NCKAP1: variants seen among roughly 807,000 people sequenced by gnomAD.
NCKAP1 encodes NCK associated protein 1, also known as nck-associated protein 1.
Under a neutral mutation model 151.2 loss-of-function variants are expected in NCKAP1, and 21 were observed. The observed-to-expected ratio is 0.14, with a 90% CI of 0.10 to 0.20. The LOEUF (loss-of-function observed/expected upper bound fraction) is 0.20. Among genes scored for constraint, NCKAP1 ranks in the 10% least tolerant of loss-of-function variants. The pLI is 1.00. For synonymous variants in NCKAP1, 484 were observed against 451.8 expected, an observed-to-expected ratio of 1.07 and a Z score of -0.90; for missense variants, 933 against 1,352.1, an observed-to-expected ratio of 0.69 and a Z score of 4.86.
At chr2:182,986,788 A>C (rs1698065960) in intron 9 of NCKAP1, among the ~76,000 whole-genome samples, 1 of 152,202 alleles carries the variant, frequency 6.6e-6, no homozygotes, top group Non-Finnish European at 1.5e-5. Flanking sequence ...TTTTTAAAAA[A>C]ACTTATTTTT....
intron 1 of NCKAP1, among the ~76,000 whole-genome samples, chr2:183,032,573 A>G (rs1699024527): frequency 6.6e-6 from 1 of 152,210 alleles, no homozygotes; most frequent in Non-Finnish European, 1.5e-5. Flanking sequence ...GTATCTAAAC[A>G]TAAAAAAAAA....
chr2:183,016,339 A>G (rs1575066758), intron 2 of NCKAP1, among the ~76,000 whole-genome samples: 1 of 152,234 alleles, frequency 6.6e-6, no homozygotes, highest in Non-Finnish European at 1.5e-5. Flanking sequence ...TATCAAAGCA[A>G]GGCTTACTTG....
intron 1 of NCKAP1, among the ~76,000 whole-genome samples, chr2:183,024,176 TA>T (rs747622643): frequency 1.3e-5 from 2 of 151,064 alleles, no homozygotes; most frequent in East Asian, 1.9e-4. Context: ...AGCTCAAACC[TA>T]AAAAAAAGAA....
chr2:182,943,043 T>G (rs1455669357), intron 23 of NCKAP1, among the ~76,000 whole-genome samples: 1 of 152,216 alleles, frequency 6.6e-6, no homozygotes, highest in Non-Finnish European at 1.5e-5. Flanking sequence ...AAGTTTATAA[T>G]TTAATTTCTG....
intron 16 of NCKAP1, among the ~76,000 whole-genome samples, chr2:182,965,353 G>T (rs868211666): frequency 6.6e-6 from 1 of 150,888 alleles, no homozygotes. Flanking sequence ...TTAGACGGGG[G>T]ACACTTTGTT....
Position 183,035,107 on chromosome 2 carries a change from CA to C in NCKAP1, c.108+2884del, listed in dbSNP as rs796520051. On this transcript the variant is annotated intron_variant, in intron 1 of 30. Coordinates refer to ENST00000361354, the MANE Select transcript of NCKAP1 (RefSeq NM_013436.5). ...AAAAGGGAAACCATATATTTAAAAA[CA>C]AAAAAAAAGGAATTAAGCAACAAAT... Among the ~76,000 whole-genome samples the C allele has an allele frequency of 5.1e-3, 765 of 149,546 alleles. 11 individuals carry two copies. Among genetic ancestry groups the C allele is most frequent in the African/African-American group, 0.018 (723 of 40,876 alleles).
intron 8 of NCKAP1, among the ~76,000 whole-genome samples, chr2:182,991,418 G>A (rs970858757): frequency 6.6e-6 from 1 of 152,074 alleles, no homozygotes; most frequent in Non-Finnish European, 1.5e-5. Flanking sequence ...AATTAGCCAA[G>A]CATGGTGGTG....
intron 7 of NCKAP1, 82 bp downstream of exon 7, chr2:182,995,619 A>G (rs1698253226): frequency 7.6e-7 from 1 of 1,318,658 alleles, no homozygotes; most frequent in Non-Finnish European, 1.1e-6. Context: ...CTAATTAGAA[A>G]CAAACAGCAA....
At chr2:182,979,916 C>T (rs570582130) in intron 13 of NCKAP1, among the ~76,000 whole-genome samples, 3 of 152,182 alleles carry the variant, frequency 2.0e-5, no homozygotes, top group African/African-American at 7.2e-5. Context: ...GATACACTAT[C>T]AATAAATCTG....
intron 12 of NCKAP1, among the ~76,000 whole-genome samples, chr2:182,981,946 T>C: frequency 7.1e-6 from 1 of 139,902 alleles, no homozygotes; most frequent in African/African-American, 2.6e-5. Flanking sequence ...ATTAAAAAAA[T>C]AAACAGGACA....
chr2:182,919,215 C>G lies in NCKAP1; in HGVS notation c.*6487G>C, dbSNP rs1357009972. The G allele has an allele frequency of 6.6e-6, 1 of 152,198 alleles. No individual in the cohort carries two copies. Among genetic ancestry groups the G allele is most frequent in the Admixed American group, 6.5e-5 (1 of 15,280 alleles). The allele number at this position is 152,198 out of a possible 1,614,324, so 9.4% of individuals were successfully genotyped here. ...ACTACCAGTTAAGGTCAAATTTTCC[C>G]CTCCTAGCCATCACAAGTTCTGCCA... On this transcript the variant is annotated 3_prime_UTR_variant, in exon 31 of 31. Transcript: ENST00000361354.
intron 8 of NCKAP1, among the ~76,000 whole-genome samples, chr2:182,993,528 C>T (rs1698208940): frequency 6.6e-6 from 1 of 152,094 alleles, no homozygotes; most frequent in Admixed American, 6.5e-5. Context: ...TGTGTGTCTC[C>T]ATGGAATAGT....
intron 2 of NCKAP1, among the ~76,000 whole-genome samples, chr2:183,020,102 C>G (rs934264537): frequency 1.3e-5 from 2 of 151,678 alleles, no homozygotes; most frequent in African/African-American, 4.8e-5. Context: ...AATAAAAAAT[C>G]AACAATTTTT....
rs116181839 is a variant in NCKAP1 at position 182,939,741 on chromosome 2, A to G, written c.2695+2329T>C. Among the ~76,000 whole-genome samples, 1,304 of 152,260 alleles carry G rather than the reference A, an allele frequency of 8.6e-3. 12 individuals carry two copies. The highest frequency in any genetic ancestry group is 0.026 in the African/African-American group (1,075 of 41,558). ...AGCACAAAAGAATTAAAAAAAAGAGAAAGTTTTGGAAAACAGTTCAATTGC... is the reference window on the plus strand; with the variant it reads ...AGCACAAAAGAATTAAAAAAAAGAGGAAGTTTTGGAAAACAGTTCAATTGC... On this transcript the variant is annotated intron_variant, in intron 24 of 30. Transcript: ENST00000361354.
chr2:182,994,343 A>G (rs1463508734), intron 8 of NCKAP1, among the ~76,000 whole-genome samples: 1 of 152,088 alleles, frequency 6.6e-6, no homozygotes, highest in East Asian at 1.9e-4. Context: ...CCCAGCTTTA[A>G]AATAGACTAC....
In NCKAP1 at chr2:182,922,281, A is replaced by ATTTTCAAAAAAAAAAG. The variant is rs1696562255; in HGVS notation, c.*3420_*3421insCTTTTTTTTTTGAAAA. 1.3e-5 allele frequency: 2 copies of ATTTTCAAAAAAAAAAG among 152,236 alleles called. No homozygotes were observed. Among genetic ancestry groups the ATTTTCAAAAAAAAAAG allele is most frequent in the Non-Finnish European group, 2.9e-5 (2 of 68,038 alleles). 9.4% of individuals were successfully genotyped at this position (152,236 alleles called of 1,614,324 possible). A position where few individuals can be genotyped will look rare whatever the true frequency, so the allele number is the denominator to read the frequency against. ...TCATTTAGAAGGCCTGATGGTGTAC[A>ATTTTCAAAAAAAAAAG]ACAGACTTTACATTTTCACATTAAT... On this transcript the variant is annotated 3_prime_UTR_variant, in exon 31 of 31. Coordinates refer to ENST00000361354, the MANE Select transcript of NCKAP1 (RefSeq NM_013436.5).
chr2:182,957,970 G>A (rs1697359629), intron 18 of NCKAP1, among the ~76,000 whole-genome samples: 1 of 152,188 alleles, frequency 6.6e-6, no homozygotes, highest in African/African-American at 2.4e-5. Context: ...AAGATATGAT[G>A]GTTCAGAGCT....
intron 17 of NCKAP1, among the ~76,000 whole-genome samples, chr2:182,962,995 A>C (rs1454683393): frequency 1.3e-5 from 2 of 152,044 alleles, no homozygotes; most frequent in Non-Finnish European, 1.5e-5. Flanking sequence ...AAAGAAATAA[A>C]ATTTTTAACA....
intron 20 of NCKAP1, among the ~76,000 whole-genome samples, chr2:182,954,802 T>TA (rs753366651): frequency 6.6e-6 from 1 of 151,334 alleles, no homozygotes; most frequent in Non-Finnish European, 1.5e-5. Flanking sequence ...AATAAATAAA[T>TA]AAATTAAATA....
Sources: allele counts gnomAD v4.1 joint callset (sites outside exome capture counted in the v4.1 genomes callset), GRCh38; gene constraint gnomAD v4.1.1; transcripts MANE v1.5; gene names NCBI Gene and HGNC (gene_info 2026-07-23, HGNC 2026-07-21).